The following RIPOR3 variants were observed in gnomAD, a reference collection of about 807,000 sequenced individuals.
The protein encoded by RIPOR3 is RIPOR family member 3.
A neutral mutation model predicts 114.3 loss-of-function variants in RIPOR3; 95 were observed. The ratio of observed to expected loss-of-function variants is 0.83; its 90% CI spans 0.70 to 0.99. The LOEUF is 0.99. RIPOR3 is among the 50% of genes least tolerant of loss of function. The probability of loss-of-function intolerance (pLI) is 0.00; values close to 1 mark genes in which losing one functional copy is unlikely to be tolerated. For synonymous variants in RIPOR3, 575 were observed against 543.8 expected, an observed-to-expected ratio of 1.06 and a Z score of -0.80; for missense variants, 1,252 against 1,266.9, an observed-to-expected ratio of 0.99 and a Z score of 0.18.
rs200061776 is a variant in RIPOR3, at chr20:50,608,488, G to A, written c.857C>T (p.Thr286Met). ...CGTGAAGAAGTCGGCGATGTCACAC[G>A]TCACTGCACCCACAGCCAGCGAGCC... is the stretch of plus-strand genomic sequence containing the variant. ...GLGSLAVGAV[T>M]CDIADFFTTR... Residue 286 changes from threonine (T) to methionine (M), a missense_variant, in exon 11 of 22, where the codon ACG (threonine) becomes ATG (methionine). By Grantham distance (81) the Thr-to-Met change is moderately conservative. Transcript: ENST00000327979. The A allele has an allele frequency of 1.0e-4, 167 of 1,613,832 alleles. No individual in the cohort carries two copies. The highest frequency in any genetic ancestry group is 1.3e-4 in the Non-Finnish European group (148 of 1,179,944).
intron 18 of RIPOR3, 43 bp downstream of exon 18, chr20:50,592,992 G>A (rs563315067): frequency 1.6e-5 from 25 of 1,606,232 alleles, no homozygotes; most frequent in Admixed American, 8.4e-5. Flanking sequence ...ACAGGGCTCC[G>A]TGGATATTCC....
In RIPOR3 at chr20:50,623,834, G is replaced by GTAT. The variant is rs567706146; in HGVS notation, c.123-3705_123-3703dup. Among the ~76,000 whole-genome samples, 404 of 152,080 alleles carry GTAT rather than the reference G, an allele frequency of 2.7e-3. 3 individuals carry two copies. The highest frequency in any genetic ancestry group is 9.2e-3 in the African/African-American group (381 of 41,460). On this transcript the variant is annotated intron_variant, in intron 2 of 21. Coordinates refer to ENST00000327979, the MANE Select transcript of RIPOR3 (RefSeq NM_001290268.2). Reference sequence around the variant, plus strand: ...CTTTCACAACCACCCTAGGAGACAGGTATTATTCTTATTATTATTTTGAGA... The same window carrying GTAT: ...CTTTCACAACCACCCTAGGAGACAGGTATTATTATTCTTATTATTATTTTGAGA...
At chr20:50,666,181 C>CCTTTTCTTTTCTTTTCTTTTCTTTTCTTT (rs1600720832) in intron 1 of RIPOR3, among the ~76,000 whole-genome samples, 1 of 14,926 alleles carries the variant, frequency 6.7e-5, no homozygotes, top group African/African-American at 9.2e-5. Context: ...GAAAGGACAC[C>CCTTTTCTTTTCTTTTCTTTTCTTTTCTTT]CATTTCTTTT....
At chr20:50,593,320 C>T in intron 17 of RIPOR3, 124 bp from the exon 18 acceptor site, 1 of 1,115,136 alleles carries the variant, frequency 9.0e-7, no homozygotes, top group Non-Finnish European at 1.2e-6. Context: ...CACCTGTAAC[C>T]CCAGCACTTT....
chr20:50,661,014 G>A (rs1469560259), intron 1 of RIPOR3, among the ~76,000 whole-genome samples: 1 of 151,822 alleles, frequency 6.6e-6, no homozygotes, highest in Non-Finnish European at 1.5e-5. Context: ...GAGGTGAGTG[G>A]ATCACCTGAG....
At chr20:50,597,734 G>T in intron 13 of RIPOR3, 24 bp from the exon 14 acceptor site, 1 of 1,609,410 alleles carries the variant, frequency 6.2e-7, no homozygotes, top group South Asian at 1.1e-5. Flanking sequence ...GGCCAGACCT[G>T]AGGGCAACAC....
chr20:50,678,978 A>T (rs2086763944), intron 1 of RIPOR3, among the ~76,000 whole-genome samples: 1 of 150,542 alleles, frequency 6.6e-6, no homozygotes, highest in Admixed American at 6.7e-5. Flanking sequence ...GGTGATCCAC[A>T]CCTGTAGTAC....
At chr20:50,687,468 G>T (rs6126074) in intron 1 of RIPOR3, among the ~76,000 whole-genome samples, 102,169 of 152,128 alleles carry the variant, frequency 0.67, 35,572 homozygotes, top group Non-Finnish European at 0.75. Context: ...AACCATAGAT[G>T]CTGTGGAACC....
rs187533551 is a variant in RIPOR3, at chr20:50,609,980, A to G, written c.427-258T>C. ...CACCACTGCCTCACCTGCCACCCCTACCACCCCTGCCTCACCTGCCACCCC... is the reference window on the plus strand; with the variant it reads ...CACCACTGCCTCACCTGCCACCCCTGCCACCCCTGCCTCACCTGCCACCCC... On this transcript the variant is annotated intron_variant, in intron 6 of 21. Transcript: ENST00000327979. Among the ~76,000 whole-genome samples the G allele has an allele frequency of 5.4e-3, 283 of 52,612 alleles. 12 individuals are homozygous for G. Among genetic ancestry groups the G allele is most frequent in the Middle Eastern group, 0.016 (2 of 124 alleles). The allele number at this position is 52,612 out of a possible 152,430, so 34.5% of individuals were successfully genotyped here. A position where few individuals can be genotyped will look rare whatever the true frequency, so the allele number is the denominator to read the frequency against.
chr20:50,609,487 C>G lies in RIPOR3; in HGVS notation c.576+86G>C. On this transcript the variant is annotated intron_variant, in intron 7 of 21. Coordinates refer to ENST00000327979, the MANE Select transcript of RIPOR3 (RefSeq NM_001290268.2). ...TTGGGGCCCAGAACACCTCCTCCAG[C>G]CCCCACTGGCCCAGCTCTCGATGTC... The G allele has an allele frequency of 2.8e-6, 4 of 1,450,738 alleles. No individual in the cohort carries two copies. The South Asian group carries it at 5.8e-5, about 21-fold the overall frequency. The allele number at this position is 1,450,738 out of a possible 1,614,324, so 89.9% of individuals were successfully genotyped here.
chr20:50,609,192 T>C (rs2083852946), intron 8 of RIPOR3, 101 bp downstream of exon 8: 1 of 1,453,110 alleles, frequency 6.9e-7, no homozygotes, highest in African/African-American at 1.4e-5. Context: ...AAGCCAGGGC[T>C]GGGCTCAGAC....
At chr20:50,636,462 C>T (rs1046647756) in intron 1 of RIPOR3, 4 of 740,102 alleles carry the variant, frequency 5.4e-6, no homozygotes, top group Non-Finnish European at 4.9e-6. Context: ...AGGAGGAATG[C>T]TCGGGTGGCT....
intron 3 of RIPOR3, among the ~76,000 whole-genome samples, chr20:50,616,322 AT>A (rs1253896176): frequency 6.6e-6 from 1 of 151,962 alleles, no homozygotes; most frequent in African/African-American, 2.4e-5. Flanking sequence ...TACTGTTATT[AT>A]ATGCATTTTC....
chr20:50,601,940 A>G, intron 13 of RIPOR3, 132 bp downstream of exon 13: 1 of 851,348 alleles, frequency 1.2e-6, no homozygotes, highest in Non-Finnish European at 1.7e-6. Context: ...GCCCAGAGAG[A>G]CACGGCCCAC....
chr20:50,642,263 A>G (rs1397819119), intron 1 of RIPOR3, among the ~76,000 whole-genome samples: 1 of 150,504 alleles, frequency 6.6e-6, no homozygotes, highest in Admixed American at 6.7e-5. Flanking sequence ...GATTGCTGGG[A>G]GCGGCTGATA....
intron 1 of RIPOR3, among the ~76,000 whole-genome samples, chr20:50,658,704 C>G (rs1390243779): frequency 7.1e-6 from 1 of 141,340 alleles, no homozygotes; most frequent in Non-Finnish European, 1.5e-5. Context: ...GATTCTGTCT[C>G]AAAAAAAAAA....
rs751244308 is a variant in RIPOR3 at position 50,602,564 on chromosome 20, G to C, written c.1167C>G (p.Asp389Glu). The C allele has an allele frequency of 2.0e-6, 3 of 1,537,046 alleles. No individual in the cohort carries two copies. Among genetic ancestry groups the C allele is most frequent in the Non-Finnish European group, 2.6e-6 (3 of 1,144,114 alleles). The change falls in exon 13 of 22, where the codon GAC (aspartate) becomes GAG (glutamate). Residue 389 changes from aspartate (D) to glutamate (E), a missense_variant. Physicochemically the swap from Asp to Glu is conservative, Grantham distance 45. Transcript: ENST00000327979. This position sits in a 1 kb window ranked among gnomAD's most constrained non-coding sequence, Gnocchi z 4.3. ...TTAGGCTGGGACCCCGGAGGTCGCT[G>C]TCAGACAGGTAGCTGAGGATGGAGG... ...RATSILSYLSDSDLRGPSLRS... is the reference protein window; with the variant it reads ...RATSILSYLSESDLRGPSLRS...
chr20:50,644,851 T>TTA (rs2123355232), intron 1 of RIPOR3, among the ~76,000 whole-genome samples: 1 of 150,626 alleles, frequency 6.6e-6, no homozygotes, highest in African/African-American at 2.4e-5. Context: ...TTTATTTTTT[T>TTA]TTTTTGAGAC....
intron 19 of RIPOR3, among the ~76,000 whole-genome samples, chr20:50,591,299 A>AT (rs1358388752): frequency 1.3e-5 from 2 of 152,346 alleles, no homozygotes; most frequent in East Asian, 1.9e-4. Flanking sequence ...TAGAGTTGTG[A>AT]TTTTTGAAAG....
Sources: allele counts gnomAD v4.1 joint callset (sites outside exome capture counted in the v4.1 genomes callset), GRCh38; gene constraint gnomAD v4.1.1; non-coding constraint Gnocchi (gnomAD v3.1); transcripts MANE v1.5; gene names NCBI Gene and HGNC (gene_info 2026-07-23, HGNC 2026-07-21).